WNK1: variants seen among roughly 807,000 people sequenced by gnomAD.
The protein encoded by WNK1 is serine/threonine-protein kinase WNK1.
In WNK1, 38 loss-of-function variants were observed where a neutral mutation model predicts 222.8. The observed-to-expected ratio is 0.17, with a 90% CI of 0.13 to 0.22. The LOEUF (loss-of-function observed/expected upper bound fraction) is 0.22, where lower values mean the gene tolerates loss of function less well. Among genes scored for constraint, WNK1 ranks in the 10% least tolerant of loss-of-function variants. The probability of loss-of-function intolerance (pLI) is 1.00; values close to 1 mark genes in which losing one functional copy is unlikely to be tolerated. For synonymous variants in WNK1, 1,090 were observed against 1,092.9 expected, an observed-to-expected ratio of 1.00 and a Z score of 0.05; for missense variants, 2,348 against 2,918.4, an observed-to-expected ratio of 0.80 and a Z score of 4.50.
chr12:844,622 G>T (rs929839041), intron 4 of WNK1, among the ~76,000 whole-genome samples: 3 of 152,066 alleles, frequency 2.0e-5, no homozygotes, highest in Non-Finnish European at 4.4e-5. Flanking sequence ...ATGCTCTACA[G>T]TCCTTAATTC....
intron 1 of WNK1, among the ~76,000 whole-genome samples, chr12:810,485 G>A (rs1946808865): frequency 6.6e-6 from 1 of 152,098 alleles, no homozygotes; most frequent in South Asian, 2.1e-4. Flanking sequence ...AAGACTTGAG[G>A]ACCAGATAAT....
At chr12:889,847 C>G (rs1408966100) in intron 21 of WNK1, among the ~76,000 whole-genome samples, 1 of 151,874 alleles carries the variant, frequency 6.6e-6, no homozygotes, top group Non-Finnish European at 1.5e-5. Context: ...TTGATTGAAA[C>G]TGTTTTTCTG....
chr12:783,051 G>T (rs530611191), intron 1 of WNK1, among the ~76,000 whole-genome samples: 2 of 151,558 alleles, frequency 1.3e-5, no homozygotes, highest in African/African-American at 4.9e-5. Flanking sequence ...CTACAAGCAC[G>T]TGCCACCACA....
chr12:764,905 C>G (rs528202616), intron 1 of WNK1, among the ~76,000 whole-genome samples: 2 of 147,660 alleles, frequency 1.4e-5, no homozygotes, highest in South Asian at 2.2e-4. Flanking sequence ...GTGGCGTGAT[C>G]TTGGCTCACT....
Position 887,277 on chromosome 12 carries a change from A to C in WNK1, c.5337A>C (p.Pro1779=), listed in dbSNP as rs762369364. The C allele has an allele frequency of 3.7e-6, 6 of 1,614,158 alleles. No homozygotes were observed. The highest frequency in any genetic ancestry group is 1.6e-4 in the Middle Eastern group (1 of 6,062). Residue 1779 remains proline (P), a synonymous_variant, in exon 20 of 28, where the codon CCA becomes CCC. Transcript: ENST00000315939. ...PAGTLPSEQL[P]PFPGPSLTQS... The stretch of plus-strand genomic sequence containing the variant: ...GTACTCTACCCAGCGAGCAGCTGCC[A>C]CCTTTTCCAGGACCTTCTCTAACCC...
chr12:859,149 T>C, intron 5 of WNK1, 96 bp from the exon 6 acceptor site: 1 of 1,083,858 alleles, frequency 9.2e-7, no homozygotes, highest in South Asian at 1.4e-5. Flanking sequence ...CATTTTTTTC[T>C]TCTGCGAATA....
rs541147679 is a variant in WNK1 at position 845,735 on chromosome 12, T to G, written c.1312-11426T>G. Reference sequence around the variant, plus strand: ...TCACCATTATCATCAACATCATTATTATTAATACATATTTAGTAGTGAAAT... The same window carrying G: ...TCACCATTATCATCAACATCATTATGATTAATACATATTTAGTAGTGAAAT... On this transcript the variant is annotated intron_variant, in intron 4 of 27. Transcript: ENST00000315939. Among the ~76,000 whole-genome samples, 3 of 152,362 alleles carry G rather than the reference T, an allele frequency of 2.0e-5. No homozygotes were observed. In the South Asian group the frequency reaches 6.2e-4, roughly 32 times the overall value.
intron 5 of WNK1, among the ~76,000 whole-genome samples, chr12:858,165 C>T (rs1256877687): frequency 1.3e-5 from 2 of 149,796 alleles, no homozygotes; most frequent in Non-Finnish European, 3.0e-5. Context: ...GAACTTTTTA[C>T]TATAAACAAA....
intron 1 of WNK1, among the ~76,000 whole-genome samples, chr12:755,897 C>T (rs1446376864): frequency 6.6e-6 from 1 of 152,252 alleles, no homozygotes; most frequent in Non-Finnish European, 1.5e-5. Context: ...ATATCTTGAA[C>T]CCAGCAGGTG....
At chr12:883,635 A>G (rs1592165857) in intron 16 of WNK1, 67 bp downstream of exon 16, 3 of 1,609,500 alleles carry the variant, frequency 1.9e-6, no homozygotes, top group Non-Finnish European at 2.6e-6. Flanking sequence ...TAAATTTGCT[A>G]TGCAAAATGT....
At position 763,374 on chromosome 12, in the gene WNK1, A is replaced by G. The variant is rs887681684; in HGVS notation, c.759+9050A>G. On this transcript the variant is annotated intron_variant, in intron 1 of 27. Transcript: ENST00000315939. The stretch of plus-strand genomic sequence containing the variant: ...CGAGGTTAGTGGATAACCTGAGGTC[A>G]GAAGTTGGAGACCAGCCTAGTCAAC... Among the ~76,000 whole-genome samples the G allele has an allele frequency of 6.1e-5, 9 of 146,884 alleles. 2 individuals are homozygous for G. Among genetic ancestry groups the G allele is most frequent in the Admixed American group, 4.1e-4 (6 of 14,730 alleles).
intron 9 of WNK1, 41 bp from the exon 10 acceptor site, chr12:878,162 ATGCTGTTAT>A (rs1488570064): frequency 7.4e-6 from 12 of 1,611,358 alleles, no homozygotes; most frequent in Non-Finnish European, 1.0e-5. Flanking sequence ...CCTTAGAAAC[ATGCTGTTAT>A]TGATTTGAAA....
intron 26 of WNK1, among the ~76,000 whole-genome samples, chr12:905,396 T>C (rs544501761): frequency 1.3e-5 from 2 of 152,144 alleles, no homozygotes; most frequent in African/African-American, 4.8e-5. Flanking sequence ...TATTAGGTAA[T>C]GTAGGGTAAA....
rs756078362 is a variant in WNK1 at position 753,762 on chromosome 12, G to A, written c.197G>A (p.Arg66His). ...RRRHTMDKDS[R>H]GAAATTTTTE... ...CGCCACACTATGGACAAGGACAGCC[G>A]TGGGGCGGCCGCGACCACTACCACC... Residue 66 changes from arginine (R) to histidine (H), a missense_variant, in exon 1 of 28, where the codon CGT becomes CAT. Transcript: ENST00000315939. This position sits in a 1 kb window ranked among gnomAD's most constrained non-coding sequence, Gnocchi z 5.2. The A allele has an allele frequency of 1.2e-6, 2 of 1,612,246 alleles. No homozygotes were observed. The highest frequency in any genetic ancestry group is 2.2e-5 in the East Asian group (1 of 44,880).
Position 753,937 on chromosome 12 carries a change from C to T in WNK1, c.372C>T (p.Thr124=), listed in dbSNP as rs774698492. Residue 124 remains threonine (T), a synonymous_variant, in exon 1 of 28, where the codon ACC becomes ACT. Transcript: ENST00000315939. The surrounding 1 kb of genome is among the most constrained non-coding windows in gnomAD (Gnocchi z 5.2). The part of the protein sequence containing the change: ...SAPPEPHREE[T]VTATATSQVA... The stretch of plus-strand genomic sequence containing the variant: ...CACCGGAGCCCCACCGGGAAGAGAC[C>T]GTGACCGCCACCGCCACTTCCCAGG... 6.2e-6 allele frequency: 10 copies of T among 1,600,938 alleles called. No individual in the cohort carries two copies. The South Asian group carries it at 9.9e-5, about 16-fold the overall frequency.
At chr12:755,549 G>A (rs999095785) in intron 1 of WNK1, among the ~76,000 whole-genome samples, 4 of 151,860 alleles carry the variant, frequency 2.6e-5, no homozygotes, top group African/African-American at 9.7e-5. Context: ...TAATGATGTA[G>A]AACTTCTAAG....
chr12:829,219 C>G (rs1948607183), intron 3 of WNK1, among the ~76,000 whole-genome samples: 1 of 152,054 alleles, frequency 6.6e-6, no homozygotes, highest in Non-Finnish European at 1.5e-5. Context: ...ATTACAAAAC[C>G]TAGTCTTGTG....
intron 8 of WNK1, chr12:869,015 C>T: frequency 6.2e-7 from 1 of 1,611,216 alleles, no homozygotes; most frequent in Non-Finnish European, 8.5e-7. Flanking sequence ...ACAAGAATCC[C>T]CACTTTTCTT....
Position 868,211 on chromosome 12 carries a change from A to C in WNK1, c.2140-3054A>C, listed in dbSNP as rs769833313. 93 of 1,612,426 alleles carry C rather than the reference A, an allele frequency of 5.8e-5. 1 individual carries two copies. In the South Asian group the frequency reaches 9.8e-4, roughly 17 times the overall value. ...TATGTTTGAACCATCTCAAGTTTAC[A>C]GTGACTATAGACCTGGACTAGTACT... On this transcript the variant is annotated intron_variant, in intron 8 of 27. Transcript: ENST00000315939.
Sources: allele counts gnomAD v4.1 joint callset (sites outside exome capture counted in the v4.1 genomes callset), GRCh38; gene constraint gnomAD v4.1.1; non-coding constraint Gnocchi (gnomAD v3.1); transcripts MANE v1.5; gene names NCBI Gene and HGNC (gene_info 2026-07-23, HGNC 2026-07-21).